Variants in DACH2 observed in about 807,000 individuals in gnomAD.
The protein encoded by DACH2 is dachshund family transcription factor 2, also known as dachshund homolog 2.
DACH2 carries 17 observed loss-of-function variants against 35.8 expected under a neutral mutation model. The observed-to-expected ratio is 0.48, with a 90% CI of 0.33 to 0.71. DACH2 has a LOEUF of 0.71. Ranked by LOEUF, DACH2 falls within the 30% of genes least tolerant of loss-of-function variation. The probability of loss-of-function intolerance (pLI) is 0.02; values close to 1 mark genes in which losing one functional copy is unlikely to be tolerated. For synonymous variants in DACH2, 195 were observed against 177.3 expected, an observed-to-expected ratio of 1.10 and a Z score of -0.79; for missense variants, 469 against 472.7, an observed-to-expected ratio of 0.99 and a Z score of 0.07.
At chrX:86,761,481 C>T (rs2041881512) in intron 7 of DACH2, among the ~76,000 whole-genome samples, 1 of 111,485 alleles carries the variant, frequency 9.0e-6, no homozygotes, top group African/African-American at 3.3e-5. Context: ...TTGTGGAAGT[C>T]AGTGTGGCGA....
At chrX:86,432,281 A>G (rs12851638) in intron 2 of DACH2, among the ~76,000 whole-genome samples, 2 of 112,292 alleles carry the variant, frequency 1.8e-5, no homozygotes, top group East Asian at 5.6e-4. Context: ...TACAAAACAG[A>G]ATCCAGTGAT....
chrX:86,356,613 T>C (rs908167224), intron 1 of DACH2, among the ~76,000 whole-genome samples: 4 of 111,665 alleles, frequency 3.6e-5, no homozygotes, highest in Non-Finnish European at 5.6e-5. Flanking sequence ...AATCCGTAAA[T>C]TGCTTTGGAC....
chrX:86,692,133 G>A (rs1010702634), intron 4 of DACH2, among the ~76,000 whole-genome samples: 2 of 111,616 alleles, frequency 1.8e-5, no homozygotes, highest in Admixed American at 9.5e-5. Context: ...TCAGCCGCTC[G>A]ATTCATATAC....
At chrX:86,687,485 G>A (rs1347441403) in intron 4 of DACH2, among the ~76,000 whole-genome samples, 1 of 111,806 alleles carries the variant, frequency 8.9e-6, no homozygotes, top group South Asian at 3.7e-4. Flanking sequence ...ACAGTGTGGC[G>A]ATTCCTCAAG....
intron 2 of DACH2, among the ~76,000 whole-genome samples, chrX:86,461,906 G>T (rs890977059): frequency 9.0e-6 from 1 of 111,242 alleles, no homozygotes; most frequent in Admixed American, 9.6e-5. Context: ...CAAAGCTTTG[G>T]TGTCTTATTC....
chrX:86,532,481 GCTCTCT>G (rs199608577), intron 3 of DACH2, among the ~76,000 whole-genome samples: 6 of 102,738 alleles, frequency 5.8e-5, no homozygotes, highest in East Asian at 3.1e-4. Context: ...TTGAAGTATA[GCTCTCT>G]CTCTCTCTCT....
intron 1 of DACH2, among the ~76,000 whole-genome samples, chrX:86,193,854 C>A (rs1267648061): frequency 9.1e-6 from 1 of 109,992 alleles, no homozygotes; most frequent in Admixed American, 9.8e-5. Context: ...TCTATTGTTT[C>A]TTTTAGAGAC....
chrX:86,821,212 T>C (rs929213012), intron 11 of DACH2, among the ~76,000 whole-genome samples: 2 of 111,240 alleles, frequency 1.8e-5, no homozygotes, highest in African/African-American at 6.5e-5. Flanking sequence ...TGCCCGGTAC[T>C]GTGTTGGAAG....
At chrX:86,696,839 G>A (rs891626885) in intron 5 of DACH2, among the ~76,000 whole-genome samples, 2 of 111,434 alleles carry the variant, frequency 1.8e-5, no homozygotes, top group African/African-American at 6.5e-5. Flanking sequence ...GTGAAGATAT[G>A]ATAAAATTCC....
At chrX:86,366,966 T>C (rs182046433) in intron 1 of DACH2, among the ~76,000 whole-genome samples, 74 of 110,769 alleles carry the variant, frequency 6.7e-4, no homozygotes, top group African/African-American at 2.4e-3. Flanking sequence ...TTACCCAGTC[T>C]CGGGTGTTCC....
At chrX:86,430,870 A>C (rs1052425008) in intron 2 of DACH2, among the ~76,000 whole-genome samples, 3 of 111,798 alleles carry the variant, frequency 2.7e-5, no homozygotes, top group Non-Finnish European at 5.6e-5. Flanking sequence ...TCATTTTGTA[A>C]GATGCTGAAG....
intron 2 of DACH2, among the ~76,000 whole-genome samples, chrX:86,460,545 C>T (rs1226407365): frequency 9.0e-6 from 1 of 110,541 alleles, no homozygotes; most frequent in African/African-American, 3.3e-5. Context: ...TTAGTGAGAA[C>T]TTATACTCTT....
intron 1 of DACH2, chrX:86,345,374 A>G (rs2035478939): frequency 9.4e-5 from 26 of 275,926 alleles, no homozygotes; most frequent in South Asian, 9.1e-4. Context: ...CCATCAATAG[A>G]TTTCCTGACA....
chrX:86,681,389 C>T (rs73247216), intron 4 of DACH2, among the ~76,000 whole-genome samples: 26,001 of 109,064 alleles, frequency 0.24, 2,578 homozygotes, highest in Admixed American at 0.45. Flanking sequence ...AGGATCAGCC[C>T]GGGAAACAGT....
intron 1 of DACH2, among the ~76,000 whole-genome samples, chrX:86,268,384 A>G (rs916258169): frequency 1.9e-4 from 21 of 111,444 alleles, no homozygotes; most frequent in East Asian, 1.1e-3. Flanking sequence ...CACTACCATC[A>G]TCTCCATTTT....
chrX:86,411,224 G>C (rs1314268116), intron 2 of DACH2, among the ~76,000 whole-genome samples: 2 of 105,853 alleles, frequency 1.9e-5, no homozygotes, highest in Admixed American at 1.0e-4. Context: ...AGGCTGGGAG[G>C]CTAGGCCAAT....
intron 3 of DACH2, among the ~76,000 whole-genome samples, chrX:86,591,624 G>A (rs1481250097): frequency 9.6e-6 from 1 of 104,255 alleles, no homozygotes; most frequent in Admixed American, 1.0e-4. Flanking sequence ...TGCAACCTCC[G>A]CCTCCTGGGT....
intron 3 of DACH2, among the ~76,000 whole-genome samples, chrX:86,600,133 G>A (rs933928338): frequency 8.9e-6 from 1 of 112,346 alleles, no homozygotes; most frequent in Non-Finnish European, 1.9e-5. Flanking sequence ...CTATGTTGCT[G>A]AGTGGAGGTA....
chrX:86,283,718 G>A (rs920578492), intron 1 of DACH2, among the ~76,000 whole-genome samples: 2 of 102,983 alleles, frequency 1.9e-5, no homozygotes, highest in African/African-American at 3.6e-5. Flanking sequence ...ACACACTGGG[G>A]CCTGTTGGGG....
Sources: gnomAD v4.1 joint callset for allele counts (sites outside exome capture counted in the v4.1 genomes callset) on GRCh38, gnomAD v4.1.1 for gene constraint, MANE v1.5 for transcripts, NCBI Gene and HGNC (gene_info 2026-07-23, HGNC 2026-07-21) for gene names.